TRHDE: variants seen among roughly 807,000 people sequenced by gnomAD.
TRHDE encodes the protein thyrotropin releasing hormone degrading enzyme, also known as thyrotropin-releasing hormone-degrading ectoenzyme.
In TRHDE, 72 loss-of-function variants were observed where a neutral mutation model predicts 125.7. The ratio of observed to expected loss-of-function variants is 0.57; its 90% CI spans 0.47 to 0.70. TRHDE has a LOEUF of 0.70. Ranked by LOEUF, TRHDE falls within the 30% of genes least tolerant of loss-of-function variation. TRHDE has a pLI of 0.00. For synonymous variants in TRHDE, 509 were observed against 509.1 expected, an observed-to-expected ratio of 1.00 and a Z score of 0.00; for missense variants, 1,110 against 1,327.1, an observed-to-expected ratio of 0.84 and a Z score of 2.54.
In TRHDE at chr12:72,273,110, C is replaced by G; in HGVS notation, c.467C>G (p.Ala156Gly). Reference protein sequence around the residue: ...HAGGDSWQPEAGGVASPGTTS... With the variant: ...HAGGDSWQPEGGGVASPGTTS... ...GGCGGGGACTCCTGGCAGCCCGAGGCGGGTGGGGTGGCCAGTCCGGGGACC... is the reference window on the plus strand; with the variant it reads ...GGCGGGGACTCCTGGCAGCCCGAGGGGGGTGGGGTGGCCAGTCCGGGGACC... Residue 156 changes from alanine (A) to glycine (G), a missense_variant, in exon 1 of 19, where the codon GCG becomes GGG. This residue lies in a region of TRHDE where 248 missense variants were observed against 240.8 expected (regional missense o/e 1.03). Coordinates refer to ENST00000261180, the MANE Select transcript of TRHDE (RefSeq NM_013381.3). This position sits in a 1 kb window ranked among gnomAD's most constrained non-coding sequence, Gnocchi z 5.3. 1 of 1,522,944 alleles carries G rather than the reference C, an allele frequency of 6.6e-7. No homozygotes were observed. Among genetic ancestry groups the G allele is most frequent in the Non-Finnish European group, 8.8e-7 (1 of 1,135,284 alleles). The allele number at this position is 1,522,944 out of a possible 1,614,324, so 94.3% of individuals were successfully genotyped here.
Position 72,597,709 on chromosome 12 carries a change from GTATGTATATATATATATATATATA to G in TRHDE, c.2322-21178_2322-21155del. Among the ~76,000 whole-genome samples, 423 of 56,954 alleles carry G rather than the reference GTATGTATATATATATATATATATA, an allele frequency of 7.4e-3. 9 individuals are homozygous for G. Among genetic ancestry groups the G allele is most frequent in the African/African-American group, 0.028 (402 of 14,582 alleles). The allele number at this position is 56,954 out of a possible 152,430, so 37.4% of individuals were successfully genotyped here. A position where few individuals can be genotyped will look rare whatever the true frequency, so the allele number is the denominator to read the frequency against. The stretch of plus-strand genomic sequence containing the variant: ...AAGAGAGGTATATATATGTGTGTGT[GTATGTATATATATATATATATATA>G]TATATATATATATATATATATATAT... On this transcript the variant is annotated intron_variant, in intron 12 of 18. Transcript: ENST00000261180.
At chr12:72,587,792 A>G (rs563561920) in intron 12 of TRHDE, among the ~76,000 whole-genome samples, 1 of 152,170 alleles carries the variant, frequency 6.6e-6, no homozygotes, top group Non-Finnish European at 1.5e-5. Context: ...CAGAAATTTT[A>G]AAATATTCAC....
intron 3 of TRHDE, among the ~76,000 whole-genome samples, chr12:72,399,697 G>A (rs990596038): frequency 2.0e-5 from 3 of 151,882 alleles, no homozygotes; most frequent in Non-Finnish European, 4.4e-5. Flanking sequence ...TTCTTTCACT[G>A]GATTTTAGAT....
intron 5 of TRHDE, among the ~76,000 whole-genome samples, chr12:72,496,027 A>T (rs907569937): frequency 2.0e-5 from 3 of 152,192 alleles, no homozygotes; most frequent in Non-Finnish European, 4.4e-5. Context: ...CTTATTTTAA[A>T]CAGATTTTAA....
chr12:72,641,594 A>G (rs1423440159), intron 15 of TRHDE, among the ~76,000 whole-genome samples: 1 of 152,138 alleles, frequency 6.6e-6, no homozygotes, highest in Non-Finnish European at 1.5e-5. Flanking sequence ...TTATATGACT[A>G]ATTATTAATC....
At chr12:72,615,577 G>A (rs866107668) in intron 12 of TRHDE, among the ~76,000 whole-genome samples, 11 of 152,206 alleles carry the variant, frequency 7.2e-5, no homozygotes, top group Middle Eastern at 6.8e-3. Context: ...CCAATTAAGT[G>A]TACCTACATA....
At chr12:72,189,503 G>A (rs1336740889) in intron 2 of TRHDE, among the ~76,000 whole-genome samples, 4 of 152,148 alleles carry the variant, frequency 2.6e-5, no homozygotes, top group African/African-American at 9.7e-5. Flanking sequence ...TATTATAATA[G>A]CAGGACCTGC....
Position 72,272,651 on chromosome 12 carries a change from TG to T in TRHDE, c.10del (p.Asp4ThrfsTer187). ...GGAGGAGGAGGCGGTGTGATGGCCC[TG>T]GACGGCGAGCTGGGGGAGCAAGAGG... is the stretch of plus-strand genomic sequence containing the variant. MALDGELGEQEEE... is the reference protein window; with the variant it reads MAXDGELGEQEEE... On this transcript the variant is annotated frameshift_variant, in exon 1 of 19. Coordinates refer to ENST00000261180, the MANE Select transcript of TRHDE (RefSeq NM_013381.3). LOFTEE classifies it high-confidence loss of function. The surrounding 1 kb of genome is among the most constrained non-coding windows in gnomAD (Gnocchi z 6.7). 1 of 1,183,156 alleles carries T rather than the reference TG, an allele frequency of 8.5e-7. No individual in the cohort carries two copies. Among genetic ancestry groups the T allele is most frequent in the Non-Finnish European group, 1.1e-6 (1 of 876,642 alleles). 73.3% of individuals were successfully genotyped at this position (1,183,156 alleles called of 1,614,324 possible). A position where few individuals can be genotyped will look rare whatever the true frequency, so the allele number is the denominator to read the frequency against.
At chr12:72,186,912 TCTGTGTTGC>T (rs938820996) in intron 2 of TRHDE, among the ~76,000 whole-genome samples, 2 of 151,730 alleles carry the variant, frequency 1.3e-5, no homozygotes, top group African/African-American at 4.8e-5. Flanking sequence ...GGATAAAGAG[TCTGTGTTGC>T]CAGCTTATCT....
intron 6 of TRHDE, among the ~76,000 whole-genome samples, chr12:72,506,961 C>T (rs942052864): frequency 6.6e-5 from 10 of 152,098 alleles, no homozygotes; most frequent in African/African-American, 2.4e-4. Context: ...CCTTGCTGTT[C>T]TCCTGATAGT....
chr12:72,295,259 C>A (rs912931254), intron 2 of TRHDE, among the ~76,000 whole-genome samples: 4 of 152,004 alleles, frequency 2.6e-5, no homozygotes, highest in Admixed American at 6.6e-5. Flanking sequence ...GGAGCCCCAC[C>A]CCAGCTCAGA....
At chr12:72,340,883 T>C (rs943426795) in intron 2 of TRHDE, among the ~76,000 whole-genome samples, 1 of 152,052 alleles carries the variant, frequency 6.6e-6, no homozygotes, top group African/African-American at 2.4e-5. Flanking sequence ...GACAGAATAT[T>C]GTGAATAATT....
chr12:72,252,941 G>A (rs1878718213), intron 2 of TRHDE, among the ~76,000 whole-genome samples: 1 of 151,864 alleles, frequency 6.6e-6, no homozygotes, highest in South Asian at 2.1e-4. Context: ...TTTAATTTTG[G>A]TTTTCATACG....
At chr12:72,100,743 G>A (rs1875048102) in intron 1 of TRHDE, among the ~76,000 whole-genome samples, 1 of 152,120 alleles carries the variant, frequency 6.6e-6, no homozygotes. Context: ...ACATATTTGT[G>A]ATCAGGACCC....
At chr12:72,342,935 G>A (rs141114469) in intron 2 of TRHDE, among the ~76,000 whole-genome samples, 5 of 152,200 alleles carry the variant, frequency 3.3e-5, no homozygotes, top group South Asian at 2.1e-4. Flanking sequence ...ACTGTTGTGC[G>A]TGCTTTACAC....
intron 2 of TRHDE, among the ~76,000 whole-genome samples, chr12:72,331,925 A>G (rs1158729488): frequency 6.6e-6 from 1 of 152,190 alleles, no homozygotes; most frequent in Non-Finnish European, 1.5e-5. Flanking sequence ...GCTATTCTTG[A>G]GTTGCTATAA....
intron 2 of TRHDE, among the ~76,000 whole-genome samples, chr12:72,215,230 C>T (rs1301857178): frequency 1.3e-5 from 2 of 151,646 alleles, no homozygotes; most frequent in Non-Finnish European, 2.9e-5. Context: ...AGTGGGGGAG[C>T]TTTTTGAGCC....
intron 3 of TRHDE, among the ~76,000 whole-genome samples, chr12:72,436,500 AGG>A (rs1874752112): frequency 6.6e-6 from 1 of 151,966 alleles, no homozygotes; most frequent in African/African-American, 2.4e-5. Flanking sequence ...ATTATTTTGA[AGG>A]ACTACAAAGT....
At chr12:72,246,156 CTTTAATTGATATTGT>C (rs1456267885) in intron 2 of TRHDE, among the ~76,000 whole-genome samples, 1 of 152,038 alleles carries the variant, frequency 6.6e-6, no homozygotes, top group African/African-American at 2.4e-5. Context: ...ACATTTTCAC[CTTTAATTGATATTGT>C]CCTCAAAAAA....
Sources: allele counts gnomAD v4.1 joint callset (sites outside exome capture counted in the v4.1 genomes callset), GRCh38; gene constraint gnomAD v4.1.1; regional missense constraint gnomAD v4.1.1; non-coding constraint Gnocchi (gnomAD v3.1); transcripts MANE v1.5; gene names NCBI Gene and HGNC (gene_info 2026-07-23, HGNC 2026-07-21).